The following AMPH variants were observed in gnomAD, a reference collection of about 807,000 sequenced individuals.
AMPH encodes amphiphysin, also known as amphiphysin (Stiff-Mann syndrome with breast cancer 128kD autoantigen).
AMPH carries 49 observed loss-of-function variants against 99.1 expected under a neutral mutation model. The observed-to-expected ratio is 0.49, with a 90% CI of 0.39 to 0.63. The LOEUF is 0.63. AMPH is among the 20% of genes least tolerant of loss of function. The pLI, the probability that AMPH is intolerant of heterozygous loss-of-function variation, is 0.00. For missense variants in AMPH, 759 were observed against 863.4 expected (o/e 0.88, Z 1.52); for synonymous variants, 314 against 317.3 (o/e 0.99, Z 0.11).
chr7:38,422,616 A>G (rs1446250785), intron 15 of AMPH, 139 bp from the exon 16 acceptor site: 2 of 686,124 alleles, frequency 2.9e-6, no homozygotes, highest in East Asian at 5.8e-5. Flanking sequence ...CTATCTATCG[A>G]CACTCTATCT....
intron 5 of AMPH, among the ~76,000 whole-genome samples, chr7:38,481,631 C>T (rs936370384): frequency 2.6e-5 from 4 of 152,170 alleles, no homozygotes; most frequent in Admixed American, 1.3e-4. Context: ...GAAACCATAA[C>T]GCAGGGTATC....
At chr7:38,465,634 T>C in intron 8 of AMPH, 85 bp from the exon 9 acceptor site, 1 of 1,208,364 alleles carries the variant, frequency 8.3e-7, no homozygotes. Context: ...AGAAATTGCT[T>C]ATTGAGAAGC....
At chr7:38,388,898 C>A (rs1269441478) in intron 20 of AMPH, among the ~76,000 whole-genome samples, 2 of 152,192 alleles carry the variant, frequency 1.3e-5, no homozygotes, top group Non-Finnish European at 2.9e-5. Flanking sequence ...CCTGCCTTGG[C>A]CTCCCAAAGT....
At chr7:38,532,533 T>C (rs1790443105) in intron 2 of AMPH, among the ~76,000 whole-genome samples, 1 of 152,180 alleles carries the variant, frequency 6.6e-6, no homozygotes. Flanking sequence ...TGGGTGCTAA[T>C]ATACTATGCC....
chr7:38,582,682 G>A (rs926562489), intron 1 of AMPH, among the ~76,000 whole-genome samples: 3 of 152,070 alleles, frequency 2.0e-5, no homozygotes, highest in South Asian at 4.2e-4. Flanking sequence ...TTGTAAAGAG[G>A]TCCTGAGATC....
At chr7:38,548,092 G>A (rs1280296468) in intron 1 of AMPH, among the ~76,000 whole-genome samples, 7 of 146,688 alleles carry the variant, frequency 4.8e-5, no homozygotes, top group African/African-American at 7.6e-5. Context: ...GCAGTGGTGC[G>A]ATCTCCGCTC....
At chr7:38,476,840 T>A (rs552411164) in intron 6 of AMPH, 22 bp downstream of exon 6, 1 of 1,576,328 alleles carries the variant, frequency 6.3e-7, no homozygotes, top group African/African-American at 1.3e-5. Flanking sequence ...AGAGTGGTAT[T>A]CACCATGGGC....
intron 11 of AMPH, among the ~76,000 whole-genome samples, chr7:38,450,530 C>T (rs548829963): frequency 9.8e-5 from 15 of 152,320 alleles, no homozygotes; most frequent in African/African-American, 3.4e-4. Flanking sequence ...GTTGCCATAT[C>T]TCCCCTTCGG....
intron 16 of AMPH, among the ~76,000 whole-genome samples, chr7:38,418,876 T>G (rs1397479540): frequency 6.6e-6 from 1 of 152,144 alleles, no homozygotes; most frequent in Non-Finnish European, 1.5e-5. Context: ...CAAGGCCTTT[T>G]TAGTTTTAAA....
intron 15 of AMPH, among the ~76,000 whole-genome samples, chr7:38,422,691 T>G (rs1375158512): frequency 6.6e-6 from 1 of 152,118 alleles, no homozygotes; most frequent in East Asian, 1.9e-4. Flanking sequence ...GGTATGATCA[T>G]GCTCACCGCA....
At chr7:38,512,214 A>T (rs1434139341) in intron 2 of AMPH, among the ~76,000 whole-genome samples, 1 of 152,218 alleles carries the variant, frequency 6.6e-6, no homozygotes, top group South Asian at 2.1e-4. Context: ...TTAGATTGCT[A>T]TGCCAATGGC....
In AMPH at chr7:38,494,438, C is replaced by A; in HGVS notation, c.295G>T (p.Gly99Cys). 1 of 1,613,576 alleles carries A rather than the reference C, an allele frequency of 6.2e-7. No homozygotes were observed. ...WYGREDVKMV[G>C]EKCDVLWEDF... ...GAAGCCACCCCAGCTCTTACCTCAC[C>A]AACCATTTTCACATCTTCCCGCCCA... The change falls in exon 4 of 21, where the codon GGT (glycine) becomes TGT (cysteine). Residue 99 changes from glycine to cysteine, a missense_variant. Physicochemically the swap from Gly to Cys is radical, Grantham distance 159. Around this residue, in one of 2 missense-constraint regions of AMPH, gnomAD observed 205 missense variants for 287.9 expected, o/e 0.71. Transcript: ENST00000356264.
At chr7:38,400,262 G>A (rs954651944) in intron 17 of AMPH, among the ~76,000 whole-genome samples, 3 of 152,066 alleles carry the variant, frequency 2.0e-5, no homozygotes, top group Non-Finnish European at 2.9e-5. Context: ...ATTTTGAGTG[G>A]AGACAGGGTT....
At chr7:38,425,205 G>C (rs1482822837) in intron 15 of AMPH, among the ~76,000 whole-genome samples, 6 of 152,150 alleles carry the variant, frequency 3.9e-5, no homozygotes, top group African/African-American at 1.4e-4. Flanking sequence ...GGAAAGAGAG[G>C]TGAAGGCAGT....
intron 11 of AMPH, among the ~76,000 whole-genome samples, chr7:38,437,639 A>AAAGAAAGAAAAG (rs1554336209): frequency 6.2e-5 from 6 of 96,728 alleles, no homozygotes; most frequent in Non-Finnish European, 7.5e-5. Flanking sequence ...AAAAAAAAAA[A>AAAGAAAGAAAAG]AAAAGAAAAG....
At chr7:38,430,789 C>A (rs1179119776) in intron 13 of AMPH, among the ~76,000 whole-genome samples, 1 of 152,170 alleles carries the variant, frequency 6.6e-6, no homozygotes, top group African/African-American at 2.4e-5. Flanking sequence ...TTTCAATAGA[C>A]ATTTTTAATC....
At chr7:38,494,239 A>G (rs765249018) in intron 4 of AMPH, among the ~76,000 whole-genome samples, 194 bp downstream of exon 4, 49 of 152,308 alleles carry the variant, frequency 3.2e-4, no homozygotes, top group Non-Finnish European at 5.7e-4. Context: ...GATTACAGGC[A>G]TGAGCCACCG....
At chr7:38,591,143 C>A (rs189290424) in intron 1 of AMPH, among the ~76,000 whole-genome samples, 24 of 152,218 alleles carry the variant, frequency 1.6e-4, no homozygotes, top group African/African-American at 5.8e-4. Flanking sequence ...TCCTCTGATT[C>A]CCATGGCAAG....
intron 1 of AMPH, among the ~76,000 whole-genome samples, chr7:38,551,394 AT>A (rs1791175359): frequency 1.3e-5 from 2 of 152,190 alleles, no homozygotes; most frequent in Non-Finnish European, 2.9e-5. Context: ...AATAGGAAGA[AT>A]AGTCAATGCT....
Sources: gnomAD v4.1 joint callset for allele counts (sites outside exome capture counted in the v4.1 genomes callset) on GRCh38, gnomAD v4.1.1 for gene constraint, gnomAD v4.1.1 regional missense constraint, MANE v1.5 for transcripts, NCBI Gene and HGNC (gene_info 2026-07-23, HGNC 2026-07-21) for gene names.